The following HACE1 variants were observed in gnomAD, a reference collection of about 807,000 sequenced individuals.
The protein encoded by HACE1 is HECT domain and ankyrin repeat containing E3 ubiquitin protein ligase 1.
Under a neutral mutation model 118.4 loss-of-function variants are expected in HACE1, and 73 were observed. The observed-to-expected ratio is 0.62, with a 90% CI of 0.51 to 0.75. The LOEUF is 0.75. Among genes scored for constraint, HACE1 ranks in the 30% least tolerant of loss-of-function variants. The probability of loss-of-function intolerance (pLI) is 0.00; values close to 1 mark genes in which losing one functional copy is unlikely to be tolerated. For synonymous variants in HACE1, 368 were observed against 374.8 expected (o/e 0.98, Z 0.21); for missense variants, 749 against 1,102.2 (o/e 0.68, Z 4.54).
intron 11 of HACE1, among the ~76,000 whole-genome samples, chr6:104,788,801 T>C (rs1436863386): frequency 2.0e-5 from 3 of 152,140 alleles, no homozygotes; most frequent in South Asian, 4.1e-4. Flanking sequence ...TAAACATCTC[T>C]TAATGCTGAA....
chr6:104,825,783 A>C (rs780286708), intron 6 of HACE1, among the ~76,000 whole-genome samples: 2 of 152,232 alleles, frequency 1.3e-5, no homozygotes, highest in Admixed American at 1.3e-4. Context: ...TTTGTTTTCA[A>C]TAAATATCTG....
At position 104,859,575 on chromosome 6, in the gene HACE1, A is replaced by T; in HGVS notation, c.68T>A (p.Leu23Ter). The stretch of plus-strand genomic sequence containing the variant: ...CCCGCGACCCGGCTCACCCTCGGGC[A>T]ACTCCACGGTGCGCGCGCGGCGCAG... ...RSLRRARTVE[L>*]PEDNETAVYT... Residue 23 changes from leucine to a stop codon, truncating the protein, a stop_gained, in exon 1 of 24, where the codon TTG becomes TAG. Transcript: ENST00000262903. LOFTEE classifies it high-confidence loss of function. The T allele has an allele frequency of 2.0e-6, 3 of 1,524,404 alleles. No individual in the cohort carries two copies. Among genetic ancestry groups the T allele is most frequent in the Non-Finnish European group, 2.6e-6 (3 of 1,141,034 alleles). 94.4% of individuals were successfully genotyped at this position (1,524,404 alleles called of 1,614,324 possible).
Position 104,845,571 on chromosome 6 carries a change from A to G in HACE1, c.327-2273T>C, listed in dbSNP as rs1017128915. 6.2e-5 allele frequency among the ~76,000 whole-genome samples: 9 copies of G among 145,938 alleles called. No individual in the cohort carries two copies. In the South Asian group the frequency reaches 1.1e-3, roughly 18 times the overall value. On this transcript the variant is annotated intron_variant, in intron 4 of 23. Transcript: ENST00000262903. ...CGGCTCACTGCAAGCTCCTCCTCCC[A>G]GGTTCACGCCATTCTCCTGCCTCAG...
At chr6:104,856,338 A>T (rs1034353128) in intron 1 of HACE1, among the ~76,000 whole-genome samples, 2 of 152,224 alleles carry the variant, frequency 1.3e-5, no homozygotes, top group African/African-American at 4.8e-5. Context: ...ACATATGCTA[A>T]AATGGGCTCA....
chr6:104,850,859 G>T, intron 3 of HACE1, 48 bp downstream of exon 3: 1 of 1,102,200 alleles, frequency 9.1e-7, no homozygotes, highest in Non-Finnish European at 1.4e-6. Context: ...AAAGCTTACT[G>T]ATCCTTGCCC....
rs188894201 is a variant in HACE1 at position 104,758,129 on chromosome 6, A to G, written c.2212-7657T>C. ...ACCAAGTTAGAAAACACTCTTCAGG[A>G]TATTATCCAGGAGAACTTCCCCAAC... On this transcript the variant is annotated intron_variant, in intron 19 of 23. Coordinates refer to ENST00000262903, the MANE Select transcript of HACE1 (RefSeq NM_020771.4). Among the ~76,000 whole-genome samples the G allele has an allele frequency of 8.7e-3, 1,325 of 152,348 alleles. 6 individuals are homozygous for G. The highest frequency in any genetic ancestry group is 0.015 in the Non-Finnish European group (994 of 68,036).
intron 5 of HACE1, among the ~76,000 whole-genome samples, chr6:104,839,620 T>C (rs1774895432): frequency 6.6e-6 from 1 of 152,190 alleles, no homozygotes; most frequent in Admixed American, 6.5e-5. Context: ...ACCTACCATG[T>C]ACACAGGTAA....
intron 6 of HACE1, among the ~76,000 whole-genome samples, chr6:104,823,789 TTC>T (rs1365064846): frequency 1.3e-5 from 2 of 152,072 alleles, no homozygotes; most frequent in Non-Finnish European, 2.9e-5. Context: ...GCTGGCGGTT[TTC>T]TTTTTGTAAA....
At chr6:104,787,480 T>C (rs1782562824) in intron 11 of HACE1, 1 of 152,104 alleles carries the variant, frequency 6.6e-6, no homozygotes, top group Non-Finnish European at 1.5e-5. Flanking sequence ...CTGTAGAAGA[T>C]GAAAAGAACT....
intron 7 of HACE1, among the ~76,000 whole-genome samples, chr6:104,798,032 C>A (rs1769871350): frequency 6.7e-6 from 1 of 148,830 alleles, no homozygotes; most frequent in Non-Finnish European, 1.5e-5. Context: ...TGCCCCACTG[C>A]ACTCCAGCCT....
Position 104,815,586 on chromosome 6 carries a change from G to A in HACE1, c.535-4193C>T, listed in dbSNP as rs181158041. 2.2e-4 allele frequency among the ~76,000 whole-genome samples: 30 copies of A among 136,610 alleles called. 8 individuals are homozygous for A. The highest frequency in any genetic ancestry group is 8.5e-4 in the African/African-American group (29 of 34,004). 89.6% of individuals were successfully genotyped at this position (136,610 alleles called of 152,430 possible). ...CCCTGTTGGCCAGGCTGGTCCTTAA[G>A]TCCTGATCTCAAGTGATCCACCCAC... On this transcript the variant is annotated intron_variant, in intron 6 of 23. Coordinates refer to ENST00000262903, the MANE Select transcript of HACE1 (RefSeq NM_020771.4).
rs545521386 is a variant in HACE1 at position 104,733,627 on chromosome 6, T to G, written c.2514-3211A>C. Among the ~76,000 whole-genome samples the G allele has an allele frequency of 1.2e-4, 18 of 151,980 alleles. No individual in the cohort carries two copies. The South Asian group carries it at 3.5e-3, about 30-fold the overall frequency. ...CAGCACTTTGGGAGGTCGAGGCTGG[T>G]GGATCACTTGAGATCAGTAGGGACC... On this transcript the variant is annotated intron_variant, in intron 22 of 23. Coordinates refer to ENST00000262903, the MANE Select transcript of HACE1 (RefSeq NM_020771.4).
intron 7 of HACE1, among the ~76,000 whole-genome samples, chr6:104,801,422 T>C (rs914828851): frequency 2.0e-5 from 3 of 152,044 alleles, no homozygotes; most frequent in East Asian, 3.9e-4. Flanking sequence ...CTGTCAGATT[T>C]ATCAAGGTTG....
rs534827818 is a variant in HACE1 at position 104,816,824 on chromosome 6, G to A, written c.535-5431C>T. On this transcript the variant is annotated intron_variant, in intron 6 of 23. Coordinates refer to ENST00000262903, the MANE Select transcript of HACE1 (RefSeq NM_020771.4). Reference sequence around the variant, plus strand: ...GGCTGTACCCTGCTGAGCCACAGGGGTGGAGCTACCCAAGGCCTCAGGATC... The same window carrying A: ...GGCTGTACCCTGCTGAGCCACAGGGATGGAGCTACCCAAGGCCTCAGGATC... 6.6e-5 allele frequency among the ~76,000 whole-genome samples: 10 copies of A among 152,346 alleles called. No homozygotes were observed. The South Asian group carries it at 1.9e-3, about 28-fold the overall frequency.
chr6:104,834,845 A>C (rs1264628549), intron 5 of HACE1, among the ~76,000 whole-genome samples: 1 of 152,226 alleles, frequency 6.6e-6, no homozygotes, highest in Non-Finnish European at 1.5e-5. Flanking sequence ...AAGTTTATTT[A>C]ATAAGATTTA....
At chr6:104,852,611 A>C (rs1776355132) in intron 1 of HACE1, among the ~76,000 whole-genome samples, 1 of 152,198 alleles carries the variant, frequency 6.6e-6, no homozygotes, top group Non-Finnish European at 1.5e-5. Context: ...TGGATGTAAA[A>C]GGACAATTAA....
intron 11 of HACE1, among the ~76,000 whole-genome samples, chr6:104,790,506 A>T (rs2114833158): frequency 6.6e-6 from 1 of 152,390 alleles, no homozygotes; most frequent in South Asian, 2.1e-4. Flanking sequence ...CAATCCCAGC[A>T]CTTTGGGAGG....
chr6:104,791,010 T>C (rs930559798), intron 11 of HACE1, among the ~76,000 whole-genome samples: 30 of 152,058 alleles, frequency 2.0e-4, no homozygotes, highest in African/African-American at 6.8e-4. Flanking sequence ...TTTAAGAAAA[T>C]ATCTCAACAA....
chr6:104,843,088 G>GT, intron 5 of HACE1, 135 bp downstream of exon 5: 1 of 686,786 alleles, frequency 1.5e-6, no homozygotes, highest in South Asian at 1.5e-5. Flanking sequence ...TCTAGCCTGA[G>GT]TGACAGAGCG....
Sources: gnomAD v4.1 joint callset for allele counts (sites outside exome capture counted in the v4.1 genomes callset) on GRCh38, gnomAD v4.1.1 for gene constraint, MANE v1.5 for transcripts, NCBI Gene and HGNC (gene_info 2026-07-23, HGNC 2026-07-21) for gene names.